Variants in FAM169A observed in about 807,000 individuals in gnomAD.
The protein encoded by FAM169A is family with sequence similarity 169 member A.
A neutral mutation model predicts 75.7 loss-of-function variants in FAM169A; 24 were observed. The observed-to-expected ratio is 0.32, with a 90% confidence interval of 0.23 to 0.45. FAM169A has a LOEUF of 0.45. FAM169A is among the 20% of genes least tolerant of loss of function. The pLI, the probability that FAM169A is intolerant of heterozygous loss-of-function variation, is 1.00. For missense variants in FAM169A, 673 were observed against 784.0 expected (o/e 0.86, Z 1.69); for synonymous variants, 271 against 271.0 (o/e 1.00, Z 0.00).
rs560832268 is a variant in FAM169A, at chr5:74,852,982, C to T, written c.-3-11303G>A. ...TTAATATACTTATCACATAACAATA[C>T]ATAATACATAATAATGTGGTTCATT... On this transcript the variant is annotated intron_variant, in intron 1 of 12. Coordinates refer to ENST00000687041, the MANE Select transcript of FAM169A (RefSeq NM_001376049.1). Among the ~76,000 whole-genome samples, 27 of 152,282 alleles carry T rather than the reference C, an allele frequency of 1.8e-4. 1 individual carries two copies. The South Asian group carries it at 5.2e-3, about 29-fold the overall frequency.
At chr5:74,804,801 A>G (rs1453991592) in intron 7 of FAM169A, among the ~76,000 whole-genome samples, 196 bp from the exon 8 acceptor site, 1 of 152,182 alleles carries the variant, frequency 6.6e-6, no homozygotes, top group Admixed American at 6.5e-5. Flanking sequence ...TAGTTATTTT[A>G]AGTATTTAGT....
chr5:74,839,092 TAC>T (rs1364252057), intron 3 of FAM169A, 42 bp from the exon 4 acceptor site: 3 of 1,439,572 alleles, frequency 2.1e-6, no homozygotes, highest in Non-Finnish European at 2.0e-6. Flanking sequence ...AGTTTTAAAG[TAC>T]ACTTTTAGAC....
chr5:74,842,532 TTTC>T (rs1748936818), intron 1 of FAM169A, among the ~76,000 whole-genome samples: 1 of 142,636 alleles, frequency 7.0e-6, no homozygotes, highest in Non-Finnish European at 1.5e-5. Flanking sequence ...ATATAGCTTT[TTTC>T]TTTTTTTTTT....
intron 11 of FAM169A, among the ~76,000 whole-genome samples, chr5:74,788,494 T>A (rs946589432): frequency 1.3e-5 from 2 of 151,834 alleles, no homozygotes; most frequent in Non-Finnish European, 2.9e-5. Context: ...TCACCTGAGG[T>A]CGGGAGTTCG....
At chr5:74,803,160 A>T (rs1746675751) in intron 8 of FAM169A, among the ~76,000 whole-genome samples, 1 of 152,154 alleles carries the variant, frequency 6.6e-6, no homozygotes, top group African/African-American at 2.4e-5. Flanking sequence ...CCACTGTCAT[A>T]TATTCTCACT....
chr5:74,832,645 T>A (rs1748374579), intron 5 of FAM169A, among the ~76,000 whole-genome samples: 1 of 149,230 alleles, frequency 6.7e-6, no homozygotes, highest in Non-Finnish European at 1.5e-5. Context: ...TTTATATATA[T>A]AAATATAACA....
intron 1 of FAM169A, among the ~76,000 whole-genome samples, chr5:74,854,642 ACTCT>A (rs748151243): frequency 6.6e-6 from 1 of 151,374 alleles, no homozygotes; most frequent in South Asian, 2.1e-4. Context: ...CCATCACTCT[ACTCT>A]CTATCTCCAT....
At chr5:74,816,216 A>G (rs1265206842) in intron 5 of FAM169A, among the ~76,000 whole-genome samples, 2 of 152,210 alleles carry the variant, frequency 1.3e-5, no homozygotes, top group African/African-American at 2.4e-5. Flanking sequence ...GTGGTAGTCA[A>G]GTTTGAAGTA....
intron 5 of FAM169A, among the ~76,000 whole-genome samples, chr5:74,832,609 AATAC>A (rs1403654143): frequency 6.7e-6 from 1 of 149,620 alleles, no homozygotes; most frequent in Non-Finnish European, 1.5e-5. Flanking sequence ...TGTTTATATA[AATAC>A]ATACGTTGTA....
At chr5:74,842,656 C>G (rs1318048274) in intron 1 of FAM169A, among the ~76,000 whole-genome samples, 2 of 151,588 alleles carry the variant, frequency 1.3e-5, no homozygotes, top group Non-Finnish European at 2.9e-5. Context: ...CTTGACCTCC[C>G]AAAGTGCTGG....
At chr5:74,865,288 A>G (rs1463682643) in intron 1 of FAM169A, 1 of 152,182 alleles carries the variant, frequency 6.6e-6, no homozygotes, top group South Asian at 2.1e-4. Flanking sequence ...TTTTTTAGAA[A>G]TATGTCCCTC....
At chr5:74,786,534 A>C (rs187858220) in intron 11 of FAM169A, among the ~76,000 whole-genome samples, 1 of 152,292 alleles carries the variant, frequency 6.6e-6, no homozygotes, top group African/African-American at 2.4e-5. Flanking sequence ...CGCTCGTGAG[A>C]GGGAAGAAGT....
chr5:74,816,091 C>T (rs1353666191), intron 5 of FAM169A, among the ~76,000 whole-genome samples: 1 of 152,120 alleles, frequency 6.6e-6, no homozygotes, highest in Non-Finnish European at 1.5e-5. Context: ...GACCCCTTTC[C>T]GGTAACAGTC....
intron 6 of FAM169A, among the ~76,000 whole-genome samples, chr5:74,809,362 A>G (rs552084246): frequency 6.6e-6 from 1 of 152,160 alleles, no homozygotes; most frequent in Non-Finnish European, 1.5e-5. Context: ...TGGGAGGCCG[A>G]GGTGGGCGGA....
chr5:74,855,126 T>C lies in FAM169A; in HGVS notation c.-4+11039A>G, dbSNP rs113797661. Among the ~76,000 whole-genome samples the C allele has an allele frequency of 1.8e-3, 280 of 152,342 alleles. 2 individuals carry two copies. Among genetic ancestry groups the C allele is most frequent in the African/African-American group, 6.3e-3 (261 of 41,580 alleles). On this transcript the variant is annotated intron_variant, in intron 1 of 12. Coordinates refer to ENST00000687041, the MANE Select transcript of FAM169A (RefSeq NM_001376049.1). ...CCACATCCTCACCAGCATTCGTTAC[T>C]GCCTGTCTTTTGGATGAAAGCCATT... is the stretch of plus-strand genomic sequence containing the variant.
At chr5:74,790,756 T>A (rs777040557) in intron 11 of FAM169A, among the ~76,000 whole-genome samples, 1 of 152,188 alleles carries the variant, frequency 6.6e-6, no homozygotes, top group African/African-American at 2.4e-5. Flanking sequence ...AAGGCTGACC[T>A]GGCTAAGGCC....
chr5:74,860,788 T>A (rs1393439364), intron 1 of FAM169A, among the ~76,000 whole-genome samples: 3 of 125,026 alleles, frequency 2.4e-5, no homozygotes, highest in South Asian at 2.5e-4. Context: ...CTCTGCACAA[T>A]CCATAAATGC....
intron 11 of FAM169A, among the ~76,000 whole-genome samples, chr5:74,791,493 C>A (rs1745973309): frequency 6.6e-6 from 1 of 152,154 alleles, no homozygotes; most frequent in Non-Finnish European, 1.5e-5. Context: ...GTTAAGATTG[C>A]CACTTGGACA....
chr5:74,796,058 G>A lies in FAM169A; in HGVS notation c.1232C>T (p.Pro411Leu), dbSNP rs1271519991. ...RDARPALETQ[P>L]QQEKQDGEKE... ...TTCACCATCTTGCTTCTCTTGCTGT[G>A]GCTGGGTTTCCAGTGCTGGCCGTGC... is the stretch of plus-strand genomic sequence containing the variant. The change falls in exon 11 of 13, where the codon CCA (proline) becomes CTA (leucine). Residue 411 changes from proline (P) to leucine (L), a missense_variant. Pro to Leu is a moderately conservative substitution (Grantham distance 98). Coordinates refer to ENST00000687041, the MANE Select transcript of FAM169A (RefSeq NM_001376049.1). 1 of 1,613,612 alleles carries A rather than the reference G, an allele frequency of 6.2e-7. No homozygotes were observed. Among genetic ancestry groups the A allele is most frequent in the Admixed American group, 1.7e-5 (1 of 59,972 alleles).
Sources: allele counts gnomAD v4.1 joint callset (sites outside exome capture counted in the v4.1 genomes callset), GRCh38; gene constraint gnomAD v4.1.1; transcripts MANE v1.5; gene names NCBI Gene and HGNC (gene_info 2026-07-23, HGNC 2026-07-21).